Variants in CDC14A observed in about 807,000 individuals in gnomAD.
CDC14A encodes the protein cell division cycle 14A, also known as dual specificity protein phosphatase CDC14A.
Under a neutral mutation model 74.4 loss-of-function variants are expected in CDC14A, and 53 were observed. That is an observed-to-expected ratio of 0.71 (90% CI 0.57 to 0.89). The LOEUF is 0.89. Ranked by LOEUF, CDC14A falls within the 40% of genes least tolerant of loss-of-function variation. The pLI is 0.00. For missense variants in CDC14A, 646 were observed against 713.7 expected, an observed-to-expected ratio of 0.91 and a Z score of 1.08; for synonymous variants, 247 against 258.4, an observed-to-expected ratio of 0.96 and a Z score of 0.43.
intron 4 of CDC14A, among the ~76,000 whole-genome samples, chr1:100,412,768 T>TTATA (rs1244105725): frequency 1.3e-5 from 1 of 78,862 alleles, no homozygotes; most frequent in South Asian, 3.0e-4. Flanking sequence ...TATATATATA[T>TTATA]TATATATATA....
chr1:100,482,333 C>G (rs1310680054), intron 10 of CDC14A, among the ~76,000 whole-genome samples: 1 of 152,114 alleles, frequency 6.6e-6, no homozygotes, highest in Non-Finnish European at 1.5e-5. Context: ...CAAGGCCCAT[C>G]TCTCATAGCC....
At chr1:100,479,387 C>T (rs952509109) in intron 10 of CDC14A, among the ~76,000 whole-genome samples, 3 of 152,134 alleles carry the variant, frequency 2.0e-5, no homozygotes, top group Non-Finnish European at 2.9e-5. Flanking sequence ...AAGTACTGTA[C>T]ATTGTACCCA....
intron 3 of CDC14A, among the ~76,000 whole-genome samples, chr1:100,383,091 G>T (rs1189287352): frequency 1.3e-5 from 2 of 152,158 alleles, no homozygotes; most frequent in African/African-American, 4.8e-5. Context: ...TCTGGAGATA[G>T]TTCATGTAGT....
intron 2 of CDC14A, among the ~76,000 whole-genome samples, chr1:100,377,194 C>T (rs143492865): frequency 1.2e-3 from 186 of 152,270 alleles, no homozygotes; most frequent in Non-Finnish European, 2.2e-3. Flanking sequence ...GCAAGCACCA[C>T]ACTGCCTGGC....
chr1:100,423,251 TC>T (rs1662574612), intron 4 of CDC14A, among the ~76,000 whole-genome samples: 1 of 152,134 alleles, frequency 6.6e-6, no homozygotes, highest in Non-Finnish European at 1.5e-5. Flanking sequence ...CCAAGCTCTT[TC>T]CCACCTCAGG....
intron 4 of CDC14A, among the ~76,000 whole-genome samples, chr1:100,404,219 G>T (rs1659638269): frequency 6.6e-6 from 1 of 151,260 alleles, no homozygotes; most frequent in Non-Finnish European, 1.5e-5. Context: ...AACTGCAACT[G>T]CTGTTGAGTT....
chr1:100,429,114 G>A (rs1557750506), intron 5 of CDC14A, among the ~76,000 whole-genome samples: 1 of 152,072 alleles, frequency 6.6e-6, no homozygotes, highest in East Asian at 1.9e-4. Context: ...TGAGGCAGGA[G>A]AATTGATTGA....
intron 7 of CDC14A, among the ~76,000 whole-genome samples, chr1:100,451,617 T>C (rs1666151934): frequency 6.6e-6 from 1 of 152,250 alleles, no homozygotes; most frequent in Admixed American, 6.5e-5. Context: ...GAAGGCACTT[T>C]TTAAATGAAT....
Position 100,353,762 on chromosome 1 carries a change from A to G in CDC14A, c.50A>G (p.Asp17Gly), listed in dbSNP as rs1454565979. Residue 17 changes from aspartate (D) to glycine (G), a missense_variant and splice_region_variant, in exon 2 of 16, where the codon GAT becomes GGT. By Grantham distance (94) the Asp-to-Gly change is moderately conservative. Transcript: ENST00000336454. ...ELIGACEFMK[D>G]RLYFATLRNR... ...TCTGTCTTTTAAACTTGTCTTTCAG[A>G]TCGGTTATATTTTGCTACTTTAAGG... is the stretch of plus-strand genomic sequence containing the variant. 6.5e-7 allele frequency: 1 copy of G among 1,543,976 alleles called. No homozygotes were observed. Among genetic ancestry groups the G allele is most frequent in the South Asian group, 1.2e-5 (1 of 86,854 alleles).
At chr1:100,352,286 C>A (rs1651149098), upstream of CDC14A, among the ~76,000 whole-genome samples, 1 of 152,166 alleles carries the variant, frequency 6.6e-6, no homozygotes, top group Admixed American at 6.5e-5. Context: ...TGGTGGACGG[C>A]AACAAAGCCT....
intron 15 of CDC14A, among the ~76,000 whole-genome samples, chr1:100,511,624 T>C (rs1027173464): frequency 6.6e-6 from 1 of 152,186 alleles, no homozygotes; most frequent in African/African-American, 2.4e-5. Flanking sequence ...TCTTTATTCA[T>C]CCAGTCATCC....
intron 2 of CDC14A, among the ~76,000 whole-genome samples, chr1:100,367,464 G>A (rs1653790198): frequency 6.6e-6 from 1 of 152,056 alleles, no homozygotes. Flanking sequence ...AGCATGGTGT[G>A]AACAACTATC....
chr1:100,490,240 G>A (rs1458867151), intron 11 of CDC14A, among the ~76,000 whole-genome samples: 1 of 152,018 alleles, frequency 6.6e-6, no homozygotes, highest in Non-Finnish European at 1.5e-5. Flanking sequence ...TATTCCAGGA[G>A]GCCAAAGTCC....
rs1477668486 is a variant in CDC14A at position 100,442,983 on chromosome 1, A to G, written c.506A>G (p.Tyr169Cys). The G allele has an allele frequency of 6.3e-7, 1 of 1,589,024 alleles. No individual in the cohort carries two copies. The highest frequency in any genetic ancestry group is 1.7e-5 in the Admixed American group (1 of 59,794). The change falls in exon 7 of 16, where the codon TAT (tyrosine) becomes TGT (cysteine). Residue 169 changes from tyrosine (Y) to cysteine (C), a missense_variant. Coordinates refer to ENST00000336454, the MANE Select transcript of CDC14A (RefSeq NM_003672.4). ...FDFETFDVDEYEHYERVENGD... is the reference protein window; with the variant it reads ...FDFETFDVDECEHYERVENGD... ...TTTGAGACATTTGATGTGGATGAAT[A>G]TGAACATTATGAGGTTTGTACATTT...
intron 11 of CDC14A, among the ~76,000 whole-genome samples, chr1:100,491,649 G>T (rs1355064717): frequency 6.8e-5 from 9 of 132,330 alleles, no homozygotes; most frequent in African/African-American, 8.8e-5. Flanking sequence ...TAGGCTCACT[G>T]CAACCTCTGC....
intron 10 of CDC14A, among the ~76,000 whole-genome samples, chr1:100,469,907 G>A (rs1387873129): frequency 6.6e-6 from 1 of 152,098 alleles, no homozygotes; most frequent in Non-Finnish European, 1.5e-5. Flanking sequence ...ATGAGGCAAA[G>A]GCACTCTAGG....
chr1:100,404,739 A>G (rs2101021651), intron 4 of CDC14A, among the ~76,000 whole-genome samples: 1 of 152,292 alleles, frequency 6.6e-6, no homozygotes, highest in East Asian at 1.9e-4. Flanking sequence ...CTGAGGCAGG[A>G]GAATCGCTTG....
At chr1:100,468,925 A>C (rs1326959101) in intron 10 of CDC14A, among the ~76,000 whole-genome samples, 1 of 148,992 alleles carries the variant, frequency 6.7e-6, no homozygotes, top group Non-Finnish European at 1.5e-5. Context: ...TTTTAATTTT[A>C]ATTTTTTATT....
In CDC14A at chr1:100,518,251, T is replaced by C; in HGVS notation, c.1756T>C (p.Ser586Pro). 1.2e-6 allele frequency: 2 copies of C among 1,611,050 alleles called. No individual in the cohort carries two copies. The highest frequency in any genetic ancestry group is 1.3e-5 in the African/African-American group (1 of 74,944). ...TCAGTTTATGTCTCTCCCTGCACAG[T>C]CCCTTCAGTCTGAATATGTTCATTA... ...SARFLSRSIP[S>P]LQSEYVHY The change falls in exon 16 of 16, where the codon TCC becomes CCC. Residue 586 changes from serine to proline, a missense_variant and splice_region_variant. Physicochemically the swap from Ser to Pro is moderately conservative, Grantham distance 74 (BLOSUM62 -1). Transcript: ENST00000336454.
Sources: gnomAD v4.1 joint callset for allele counts (sites outside exome capture counted in the v4.1 genomes callset) on GRCh38, gnomAD v4.1.1 for gene constraint, MANE v1.5 for transcripts, NCBI Gene and HGNC (gene_info 2026-07-23, HGNC 2026-07-21) for gene names.